AOX1: variants seen among roughly 807,000 people sequenced by gnomAD.
AOX1 encodes the protein aldehyde oxidase 1.
Under a neutral mutation model 169.5 loss-of-function variants are expected in AOX1, and 153 were observed. That is an observed-to-expected ratio of 0.90 (90% CI 0.79 to 1.03). The LOEUF is 1.03. Ranked by LOEUF, AOX1 falls within the 50% of genes least tolerant of loss-of-function variation. The pLI, the probability that AOX1 is intolerant of heterozygous loss-of-function variation, is 0.00. For missense variants in AOX1, 1,656 were observed against 1,663.9 expected, an observed-to-expected ratio of 1.00 and a Z score of 0.08; for synonymous variants, 562 against 581.9, an observed-to-expected ratio of 0.97 and a Z score of 0.49.
chr2:200,590,824 G>C (rs934633327), intron 1 of AOX1, among the ~76,000 whole-genome samples: 1 of 152,148 alleles, frequency 6.6e-6, no homozygotes, highest in African/African-American at 2.4e-5. Context: ...GACATTGTGA[G>C]GTTGGGGCAG....
chr2:200,679,658 C>T (rs565772615), downstream of AOX1, among the ~76,000 whole-genome samples: 5 of 150,636 alleles, frequency 3.3e-5, no homozygotes, highest in South Asian at 1.0e-3. Flanking sequence ...GTAGTGACGC[C>T]CCCCCCCGAG....
intron 12 of AOX1, among the ~76,000 whole-genome samples, chr2:200,610,127 A>G (rs2034604525): frequency 6.7e-6 from 1 of 150,168 alleles, no homozygotes; most frequent in Non-Finnish European, 1.5e-5. Context: ...TCTGGAGTGC[A>G]GTGGCACAAT....
chr2:200,619,520 C>T (rs925540967), intron 16 of AOX1, among the ~76,000 whole-genome samples: 1 of 152,244 alleles, frequency 6.6e-6, no homozygotes, highest in Non-Finnish European at 1.5e-5. Context: ...GGCCTTATGT[C>T]TGTCTCTTCA....
chr2:200,656,772 T>C, intron 26 of AOX1, 70 bp from the exon 27 acceptor site: 1 of 1,135,962 alleles, frequency 8.8e-7, no homozygotes. Context: ...CCAAGGAAAA[T>C]GTTTTAATTG....
intron 16 of AOX1, among the ~76,000 whole-genome samples, chr2:200,616,685 C>T (rs1197736827): frequency 1.3e-5 from 2 of 152,134 alleles, no homozygotes; most frequent in African/African-American, 4.8e-5. Flanking sequence ...AATTTTCTGC[C>T]ACATCATAAA....
At chr2:200,649,442 C>T (rs2035534476) in intron 25 of AOX1, among the ~76,000 whole-genome samples, 1 of 152,146 alleles carries the variant, frequency 6.6e-6, no homozygotes, top group Non-Finnish European at 1.5e-5. Flanking sequence ...GGGGCACTCA[C>T]GGTATTTGGG....
intron 5 of AOX1, among the ~76,000 whole-genome samples, chr2:200,601,073 CTT>C (rs58855977): frequency 0.24 from 28,565 of 120,150 alleles, 2,639 homozygotes; most frequent in Middle Eastern, 0.32. Context: ...GCTTAGAGTG[CTT>C]TTTTTTTTTT....
intron 18 of AOX1, among the ~76,000 whole-genome samples, chr2:200,622,795 C>G (rs1034986610): frequency 2.6e-5 from 4 of 152,104 alleles, no homozygotes; most frequent in African/African-American, 7.2e-5. Context: ...TGGTTTAATG[C>G]TTTTTAAAAC....
chr2:200,605,419 A>G, intron 9 of AOX1, 117 bp from the exon 10 acceptor site: 1 of 446,736 alleles, frequency 2.2e-6, no homozygotes, highest in Non-Finnish European at 3.8e-6. Context: ...GATGAATAGA[A>G]AGATACAATA....
intron 20 of AOX1, among the ~76,000 whole-genome samples, chr2:200,634,116 T>G (rs914735128): frequency 2.8e-4 from 42 of 151,874 alleles, no homozygotes; most frequent in Non-Finnish European, 1.0e-4. Flanking sequence ...CTTTCTAGTC[T>G]TCCACTTTTC....
At position 200,634,802 on chromosome 2, in the gene AOX1, A is replaced by G; in HGVS notation, c.2233A>G (p.Met745Val). 6.2e-7 allele frequency: 1 copy of G among 1,614,006 alleles called. No homozygotes were observed. Among genetic ancestry groups the G allele is most frequent in the Non-Finnish European group, 8.5e-7 (1 of 1,179,936 alleles). ...VDQILEGEIH[M>V]GGQEHFYMET... is the part of the protein sequence containing the mutation. ...TTTTCCTGTAACAGGTGAAATACAT[A>G]TGGGAGGTCAAGAACATTTTTATAT... is the stretch of plus-strand genomic sequence containing the variant. Residue 745 changes from methionine (M) to valine (V), a missense_variant, in exon 21 of 35, where the codon ATG (methionine) becomes GTG (valine). Physicochemically the swap from Met to Val is conservative, Grantham distance 21. Transcript: ENST00000374700.
chr2:200,674,574 G>A (rs539723748), downstream of AOX1, among the ~76,000 whole-genome samples: 6 of 152,274 alleles, frequency 3.9e-5, no homozygotes, highest in East Asian at 1.9e-4. Context: ...ACAATTAAGT[G>A]GACCAAATGA....
chr2:200,679,951 T>C (rs1294802674), downstream of AOX1, among the ~76,000 whole-genome samples: 1 of 152,094 alleles, frequency 6.6e-6, no homozygotes, highest in Non-Finnish European at 1.5e-5. Flanking sequence ...CATAGTGGTG[T>C]GTGCCTGTTA....
intron 19 of AOX1, among the ~76,000 whole-genome samples, chr2:200,625,624 C>G (rs2105728638): frequency 6.6e-6 from 1 of 152,316 alleles, no homozygotes; most frequent in Middle Eastern, 3.4e-3. Context: ...GCCCCTCTCC[C>G]TATACATTAC....
At position 200,637,020 on chromosome 2, in the gene AOX1, C is replaced by T; in HGVS notation, c.2456C>T (p.Ala819Val). The change falls in exon 22 of 35, where the codon GCC becomes GTC. Residue 819 changes from alanine to valine, a missense_variant. Ala to Val is a moderately conservative substitution (Grantham distance 64). Coordinates refer to ENST00000374700, the MANE Select transcript of AOX1 (RefSeq NM_001159.4). ...GKVLKTGIIA[A>V]VTAFAANKHG... is the part of the protein sequence containing the mutation. ...GTGTTAAAAACCGGAATCATTGCAG[C>T]CGTCACTGCATTTGCCGCAAACAAG... 1.2e-6 allele frequency: 2 copies of T among 1,614,064 alleles called. No individual in the cohort carries two copies. The highest frequency in any genetic ancestry group is 1.7e-6 in the Non-Finnish European group (2 of 1,179,986).
At position 200,662,836 on chromosome 2, in the gene AOX1, C is replaced by T. The variant is rs1163178694; in HGVS notation, c.3429-19C>T. ...ATTAGGGGACGTGATCACTTAACAA[C>T]ACTCACTGTTTCTTCCAGAGGTTAT... On this transcript the variant is annotated intron_variant, in intron 30 of 34. Transcript: ENST00000374700. 2.5e-6 allele frequency: 4 copies of T among 1,599,982 alleles called. No individual in the cohort carries two copies. Among genetic ancestry groups the T allele is most frequent in the Admixed American group, 1.7e-5 (1 of 59,994 alleles).
rs375296908 is a variant in AOX1 at position 200,634,875 on chromosome 2, T to G, written c.2306T>G (p.Met769Arg). 3.1e-6 allele frequency: 5 copies of G among 1,613,952 alleles called. No homozygotes were observed. The highest frequency in any genetic ancestry group is 3.3e-5 in the Admixed American group (2 of 59,986). The change falls in exon 21 of 35, where the codon ATG becomes AGG. Residue 769 changes from methionine to arginine, a missense_variant. Coordinates refer to ENST00000374700, the MANE Select transcript of AOX1 (RefSeq NM_001159.4). ...GTTCCCAAGGGAGAGGATCAAGAAA[T>G]GGATGTCTACGTGTCCACACAGTTT... is the stretch of plus-strand genomic sequence containing the variant. ...LVVPKGEDQE[M>R]DVYVSTQFPK...
At chr2:200,661,545 C>G (rs1366770115) in intron 29 of AOX1, 34 bp from the exon 30 acceptor site, 2 of 1,573,626 alleles carry the variant, frequency 1.3e-6, no homozygotes, top group Non-Finnish European at 1.7e-6. Context: ...CTTTGGGCAT[C>G]CTTGTTGCAT....
chr2:200,602,421 G>A (rs1341816158), intron 6 of AOX1, 76 bp downstream of exon 6: 2 of 1,306,254 alleles, frequency 1.5e-6, no homozygotes, highest in Non-Finnish European at 2.2e-6. Flanking sequence ...AGTGATTAGG[G>A]GGGCAGCCAT....
Sources: gnomAD v4.1 joint callset for allele counts (sites outside exome capture counted in the v4.1 genomes callset) on GRCh38, gnomAD v4.1.1 for gene constraint, MANE v1.5 for transcripts, NCBI Gene and HGNC (gene_info 2026-07-23, HGNC 2026-07-21) for gene names.